Variants in TECR observed in about 807,000 individuals in gnomAD.
TECR encodes the protein very-long-chain enoyl-CoA reductase.
TECR carries 19 observed loss-of-function variants against 50.6 expected under a neutral mutation model. The ratio of observed to expected loss-of-function variants is 0.38; its 90% confidence interval spans 0.26 to 0.55. TECR has a LOEUF of 0.55. TECR is among the 20% of genes least tolerant of loss of function. The pLI is 0.79. For missense variants in TECR, 313 were observed against 408.3 expected, an observed-to-expected ratio of 0.77 and a Z score of 2.01; for synonymous variants, 168 against 163.5, an observed-to-expected ratio of 1.03 and a Z score of -0.21.
chr19:14,550,656 C>T (rs2073467302), intron 1 of TECR, among the ~76,000 whole-genome samples: 1 of 152,066 alleles, frequency 6.6e-6, no homozygotes, highest in African/African-American at 2.4e-5. Context: ...TGAGGGCTGG[C>T]CCCAGCGGCC....
chr19:14,529,727 CAG>C lies in TECR; in HGVS notation c.15+17_15+18del, dbSNP rs1298035547. ...GCATTACGAGGTAAGAAGCGAGAAACAGGGGCCGTGTGGCCACTGCTGACCCA... is the reference window on the plus strand; with the variant it reads ...GCATTACGAGGTAAGAAGCGAGAAACGGGCCGTGTGGCCACTGCTGACCCA... On this transcript the variant is annotated intron_variant, in intron 1 of 12. Transcript: ENST00000215567. 60 of 1,613,948 alleles carry C rather than the reference CAG, an allele frequency of 3.7e-5. No individual in the cohort carries two copies. Among genetic ancestry groups the C allele is most frequent in the Non-Finnish European group, 5.0e-5 (59 of 1,180,046 alleles).
Position 14,564,170 on chromosome 19 carries a change from C to T in TECR, c.384-12C>T, listed in dbSNP as rs528973592. Reference sequence around the variant, plus strand: ...CGGACCAGCCCCAGCTGAGCCTGCTCCCCCCGACCAGCCTCGCCTGCATCT... The same window carrying T: ...CGGACCAGCCCCAGCTGAGCCTGCTTCCCCCGACCAGCCTCGCCTGCATCT... On this transcript the variant is annotated splice_polypyrimidine_tract_variant and intron_variant, in intron 6 of 12. Coordinates refer to ENST00000215567, the MANE Select transcript of TECR (RefSeq NM_138501.6). The T allele has an allele frequency of 3.6e-5, 58 of 1,606,180 alleles. 1 individual carries two copies. The highest frequency in any genetic ancestry group is 2.0e-4 in the African/African-American group (15 of 74,890).
chr19:14,536,262 A>G (rs973874797), intron 1 of TECR, among the ~76,000 whole-genome samples: 14 of 141,284 alleles, frequency 9.9e-5, no homozygotes, highest in South Asian at 6.7e-4. Context: ...TAGTTTCTCG[A>G]GCTAGTTTTT....
At chr19:14,564,538 C>G (rs568647549) in intron 7 of TECR, among the ~76,000 whole-genome samples, 174 of 117,634 alleles carry the variant, frequency 1.5e-3, no homozygotes, top group African/African-American at 5.5e-3. Context: ...TAGGCACCGC[C>G]TATCCCCCCA....
chr19:14,556,428 A>AAAC (rs879582706), intron 1 of TECR, among the ~76,000 whole-genome samples: 53,579 of 150,484 alleles, frequency 0.36, 10,092 homozygotes, highest in Non-Finnish European at 0.42. Context: ...ACAAAAACAA[A>AAAC]AAAAACCACA....
chr19:14,563,575 T>G lies in TECR; in HGVS notation c.119-83T>G. 3 of 1,590,314 alleles carry G rather than the reference T, an allele frequency of 1.9e-6. No homozygotes were observed. The highest frequency in any genetic ancestry group is 2.6e-6 in the Non-Finnish European group (3 of 1,163,968). On this transcript the variant is annotated intron_variant, in intron 3 of 12. Transcript: ENST00000215567. This position sits in a 1 kb window ranked among gnomAD's most constrained non-coding sequence, Gnocchi z 5.3. The stretch of plus-strand genomic sequence containing the variant: ...TGGGGTCCTTGCACCCTGGGAACCC[T>G]GAGAAGCTGGCACAGTGGCTGGGCA...
In TECR at chr19:14,529,643, C is replaced by T. The variant is rs1219608910; in HGVS notation, c.-54C>T. The T allele has an allele frequency of 4.3e-6, 7 of 1,613,138 alleles. No individual in the cohort carries two copies. The highest frequency in any genetic ancestry group is 2.2e-5 in the South Asian group (2 of 91,070). Reference sequence around the variant, plus strand: ...AGCGCTGTAGGGAGCCTGTGCTGTGCCGCGCAGTTAGGCAGCAGCAGCCGC... The same window carrying T: ...AGCGCTGTAGGGAGCCTGTGCTGTGTCGCGCAGTTAGGCAGCAGCAGCCGC... On this transcript the variant is annotated 5_prime_UTR_variant, in exon 1 of 13. Coordinates refer to ENST00000215567, the MANE Select transcript of TECR (RefSeq NM_138501.6).
chr19:14,536,267 GTT>G (rs201416657), intron 1 of TECR, among the ~76,000 whole-genome samples: 44,883 of 137,780 alleles, frequency 0.33, 7,571 homozygotes, highest in Non-Finnish European at 0.41. Flanking sequence ...TCTCGAGCTA[GTT>G]TTTTTTTTTT....
At chr19:14,551,174 A>G in intron 1 of TECR, among the ~76,000 whole-genome samples, 1 of 151,482 alleles carries the variant, frequency 6.6e-6, no homozygotes, top group African/African-American at 2.4e-5. Context: ...CAGGTTCATA[A>G]CGATTCTCCT....
chr19:14,543,213 C>G (rs1176022199), intron 1 of TECR, among the ~76,000 whole-genome samples: 1 of 147,178 alleles, frequency 6.8e-6, no homozygotes, highest in Non-Finnish European at 1.5e-5. Flanking sequence ...AAGTGTCTAA[C>G]TCAGGAGGTG....
intron 1 of TECR, among the ~76,000 whole-genome samples, chr19:14,540,211 C>A (rs571568041): frequency 7.2e-4 from 109 of 152,060 alleles, no homozygotes; most frequent in African/African-American, 2.6e-3. Context: ...AGGCACCCAC[C>A]ACCACGCCTG....
At chr19:14,553,610 G>A (rs1040723784) in intron 1 of TECR, among the ~76,000 whole-genome samples, 1 of 152,148 alleles carries the variant, frequency 6.6e-6, no homozygotes, top group African/African-American at 2.4e-5. Flanking sequence ...AGGTTGACTT[G>A]ATATTTCTGG....
At position 14,565,942 on chromosome 19, in the gene TECR, C is replaced by T. The variant is rs577921260; in HGVS notation, c.*71C>T. 8 of 1,543,360 alleles carry T rather than the reference C, an allele frequency of 5.2e-6. No individual in the cohort carries two copies. In the Admixed American group the frequency reaches 9.7e-5, roughly 19 times the overall value. ...TGGGGGAGGAGTGGGGCCCACAGCT[C>T]TCCAGCACCCGGAATAAAGCCCGCC... On this transcript the variant is annotated 3_prime_UTR_variant, in exon 13 of 13. Transcript: ENST00000215567.
chr19:14,554,667 G>T (rs779822214), intron 1 of TECR, among the ~76,000 whole-genome samples: 2 of 152,104 alleles, frequency 1.3e-5, no homozygotes, highest in Non-Finnish European at 2.9e-5. Flanking sequence ...GGCTCAGGTG[G>T]TGCCTGCTCC....
Position 14,529,605 on chromosome 19 carries a change from C to A in TECR, c.-92C>A, listed in dbSNP as rs778865767. The A allele has an allele frequency of 1.3e-6, 2 of 1,595,254 alleles. No individual in the cohort carries two copies. The highest frequency in any genetic ancestry group is 2.7e-5 in the African/African-American group (2 of 74,520). On this transcript the variant is annotated 5_prime_UTR_variant, in exon 1 of 13. Transcript: ENST00000215567. ...GGACGCAGAGCCGCGTTTAGTCTAT[C>A]GCTGCGGTTGCGAGCGCTGTAGGGA...
intron 1 of TECR, chr19:14,545,683 G>A: frequency 5.9e-6 from 1 of 170,166 alleles, no homozygotes; most frequent in Non-Finnish European, 1.3e-5. Flanking sequence ...CGTGCATGGC[G>A]AGTGCAAACT....
chr19:14,550,634 A>C (rs554876287), intron 1 of TECR, among the ~76,000 whole-genome samples: 95 of 152,054 alleles, frequency 6.2e-4, no homozygotes, highest in Non-Finnish European at 1.2e-3. Flanking sequence ...TGGCCTTTAC[A>C]CTGGAGCTCC....
At chr19:14,555,941 C>G (rs576735071) in intron 1 of TECR, among the ~76,000 whole-genome samples, 3 of 152,214 alleles carry the variant, frequency 2.0e-5, no homozygotes, top group South Asian at 4.1e-4. Flanking sequence ...CCTCACTCCT[C>G]CAGTCTGTTC....
intron 1 of TECR, among the ~76,000 whole-genome samples, chr19:14,540,538 C>G (rs572088135): frequency 1.3e-5 from 2 of 152,000 alleles, no homozygotes; most frequent in African/African-American, 4.8e-5. Context: ...ATTACTGGTG[C>G]CCACCACCAC....
Sources: gnomAD v4.1 joint callset for allele counts (sites outside exome capture counted in the v4.1 genomes callset) on GRCh38, gnomAD v4.1.1 for gene constraint, Gnocchi (gnomAD v3.1) non-coding constraint, MANE v1.5 for transcripts, NCBI Gene and HGNC (gene_info 2026-07-23, HGNC 2026-07-21) for gene names.